The following PTN variants were observed in gnomAD, a reference collection of about 807,000 sequenced individuals.
PTN encodes the protein pleiotrophin.
In PTN, 18 loss-of-function variants were observed where a neutral mutation model predicts 24.1. The observed-to-expected ratio is 0.75, with a 90% CI of 0.52 to 1.11. PTN has a LOEUF of 1.11. Among genes scored for constraint, PTN ranks in the 50% least tolerant of loss-of-function variants. PTN has a pLI of 0.00. For synonymous variants in PTN, 78 were observed against 68.6 expected, an observed-to-expected ratio of 1.14 and a Z score of -0.67; for missense variants, 163 against 198.8, an observed-to-expected ratio of 0.82 and a Z score of 1.08.
intron 1 of PTN, among the ~76,000 whole-genome samples, chr7:137,304,408 G>A (rs1239521642): frequency 6.6e-6 from 1 of 151,680 alleles, no homozygotes; most frequent in African/African-American, 2.4e-5. Flanking sequence ...ATGGGAGCAG[G>A]CAAAGTCTAT....
chr7:137,296,217 T>C (rs1271841534), intron 1 of PTN, among the ~76,000 whole-genome samples: 2 of 152,088 alleles, frequency 1.3e-5, no homozygotes, highest in African/African-American at 4.8e-5. Flanking sequence ...TGTGAAATTA[T>C]CTGATAAGTT....
At chr7:137,326,820 C>G (rs1306789237) in intron 1 of PTN, 3 of 152,164 alleles carry the variant, frequency 2.0e-5, no homozygotes, top group Admixed American at 2.0e-4. Context: ...ATGTGCCTGC[C>G]TGCTCCCCCC....
At chr7:137,292,887 T>A (rs1809662976) in intron 1 of PTN, among the ~76,000 whole-genome samples, 1 of 152,088 alleles carries the variant, frequency 6.6e-6, no homozygotes, top group African/African-American at 2.4e-5. Context: ...GTTGGTGAGG[T>A]CGTTTTCCAA....
chr7:137,267,523 T>C (rs950591346), intron 1 of PTN, among the ~76,000 whole-genome samples: 11 of 152,176 alleles, frequency 7.2e-5, no homozygotes, highest in African/African-American at 1.2e-4. Context: ...TTCCTTCTGA[T>C]GGCCAACCCA....
chr7:137,304,409 C>A (rs1809854189), intron 1 of PTN, among the ~76,000 whole-genome samples: 1 of 151,792 alleles, frequency 6.6e-6, no homozygotes, highest in Non-Finnish European at 1.5e-5. Flanking sequence ...TGGGAGCAGG[C>A]AAAGTCTATA....
chr7:137,236,655 A>T (rs890978990), intron 4 of PTN, among the ~76,000 whole-genome samples: 7 of 152,090 alleles, frequency 4.6e-5, no homozygotes, highest in Non-Finnish European at 8.8e-5. Context: ...ACCTAAACAC[A>T]AAAGAACGAT....
chr7:137,298,816 C>T (rs746353479), intron 1 of PTN, among the ~76,000 whole-genome samples: 4 of 151,826 alleles, frequency 2.6e-5, no homozygotes, highest in South Asian at 2.1e-4. Context: ...ATTCAACTTG[C>T]GAGCAAAGAA....
intron 1 of PTN, among the ~76,000 whole-genome samples, chr7:137,277,264 C>T (rs1366468390): frequency 6.6e-6 from 1 of 152,150 alleles, no homozygotes; most frequent in African/African-American, 2.4e-5. Flanking sequence ...CACAGACTGA[C>T]CAAACCAAGT....
chr7:137,300,399 G>T (rs1037309752), intron 1 of PTN, among the ~76,000 whole-genome samples: 2 of 151,916 alleles, frequency 1.3e-5, no homozygotes, highest in African/African-American at 4.8e-5. Flanking sequence ...CTAGGGACCA[G>T]AGACAGAGCA....
intron 4 of PTN, among the ~76,000 whole-genome samples, chr7:137,229,659 A>G (rs967474683): frequency 2.6e-5 from 4 of 151,770 alleles, no homozygotes; most frequent in Non-Finnish European, 4.4e-5. Context: ...TGTTGTCCAT[A>G]ATTGTATTCA....
intron 1 of PTN, among the ~76,000 whole-genome samples, chr7:137,315,028 C>T (rs1473430835): frequency 2.0e-5 from 3 of 152,252 alleles, no homozygotes; most frequent in East Asian, 1.9e-4. Flanking sequence ...CTTGGCTGAT[C>T]CTGACACACA....
At chr7:137,343,335 T>C (rs988960771) in intron 1 of PTN, 104 bp downstream of exon 1, 2 of 386,748 alleles carry the variant, frequency 5.2e-6, no homozygotes, top group African/African-American at 4.2e-5. Flanking sequence ...GCAGCCTCTC[T>C]CACCCCTACC....
At chr7:137,232,913 G>A (rs1399568609) in intron 4 of PTN, among the ~76,000 whole-genome samples, 3 of 151,870 alleles carry the variant, frequency 2.0e-5, no homozygotes, top group Non-Finnish European at 4.4e-5. Flanking sequence ...CTGTGAAGAG[G>A]TGCCTTCCGC....
chr7:137,253,219 G>C (rs12111796), intron 3 of PTN, among the ~76,000 whole-genome samples: 23,182 of 152,030 alleles, frequency 0.15, 1,951 homozygotes, highest in African/African-American at 0.21. Flanking sequence ...CATCTGGAGC[G>C]GGTGAGGAAT....
At position 137,279,316 on chromosome 7, in the gene PTN, G is replaced by A. The variant is rs1397354077; in HGVS notation, c.-1-24342C>T. On this transcript the variant is annotated intron_variant, in intron 1 of 4. Coordinates refer to ENST00000348225, the MANE Select transcript of PTN (RefSeq NM_002825.7). ...CTGAAATAAAGGAGAAAAATCGCATGGTCATCTAATCAGTTAGAGGAAAAT... is the reference window on the plus strand; with the variant it reads ...CTGAAATAAAGGAGAAAAATCGCATAGTCATCTAATCAGTTAGAGGAAAAT... Among the ~76,000 whole-genome samples, 11 of 152,152 alleles carry A rather than the reference G, an allele frequency of 7.2e-5. No individual in the cohort carries two copies. The East Asian group carries it at 1.9e-3, about 27-fold the overall frequency.
chr7:137,312,606 C>T lies in PTN; in HGVS notation c.-2+30833G>A, dbSNP rs960011734. Among the ~76,000 whole-genome samples, 3 of 152,266 alleles carry T rather than the reference C, an allele frequency of 2.0e-5. No individual in the cohort carries two copies. The East Asian group carries it at 5.8e-4, about 29-fold the overall frequency. ...TTTTTTCTTTACCATTCCTCCACCCCTCTCTCATATTTATTGAAAAATGTG... is the reference window on the plus strand; with the variant it reads ...TTTTTTCTTTACCATTCCTCCACCCTTCTCTCATATTTATTGAAAAATGTG... On this transcript the variant is annotated intron_variant, in intron 1 of 4. Coordinates refer to ENST00000348225, the MANE Select transcript of PTN (RefSeq NM_002825.7).
At chr7:137,263,863 G>C (rs1021401818) in intron 1 of PTN, among the ~76,000 whole-genome samples, 1 of 151,988 alleles carries the variant, frequency 6.6e-6, no homozygotes, top group African/African-American at 2.4e-5. Context: ...GTCCAGTCCC[G>C]GTGGGATTCT....
intron 1 of PTN, among the ~76,000 whole-genome samples, chr7:137,317,260 C>T (rs1810088207): frequency 6.6e-6 from 1 of 152,158 alleles, no homozygotes; most frequent in Non-Finnish European, 1.5e-5. Context: ...GAGCTTTCTT[C>T]ATTCCACCTT....
At chr7:137,326,766 G>T (rs1331980014) in intron 1 of PTN, 1 of 152,132 alleles carries the variant, frequency 6.6e-6, no homozygotes, top group Non-Finnish European at 1.5e-5. Context: ...TTTTACAAGT[G>T]CATATCTAGT....
Sources: allele counts gnomAD v4.1 joint callset (sites outside exome capture counted in the v4.1 genomes callset), GRCh38; gene constraint gnomAD v4.1.1; transcripts MANE v1.5; gene names NCBI Gene and HGNC (gene_info 2026-07-23, HGNC 2026-07-21).